The following GFM1 variants were observed in gnomAD, a reference collection of about 807,000 sequenced individuals.
GFM1 encodes elongation factor G, mitochondrial.
In GFM1, 62 loss-of-function variants were observed where a neutral mutation model predicts 96.2. The ratio of observed to expected loss-of-function variants is 0.64; its 90% CI spans 0.53 to 0.80. The LOEUF (loss-of-function observed/expected upper bound fraction) is 0.80, where lower values mean the gene tolerates loss of function less well. Ranked by LOEUF, GFM1 falls within the 30% of genes least tolerant of loss-of-function variation. The pLI, the probability that GFM1 is intolerant of heterozygous loss-of-function variation, is 0.00. For synonymous variants in GFM1, 282 were observed against 312.9 expected (o/e 0.90, Z 1.04); for missense variants, 852 against 916.6 (o/e 0.93, Z 0.91).
At chr3:158,689,505 C>G (rs1018969229) in intron 15 of GFM1, among the ~76,000 whole-genome samples, 1 of 152,110 alleles carries the variant, frequency 6.6e-6, no homozygotes, top group Non-Finnish European at 1.5e-5. Flanking sequence ...CCCTCCTGCC[C>G]TGTGACAAAA....
chr3:158,647,720 T>G (rs908039994), intron 4 of GFM1, among the ~76,000 whole-genome samples: 2 of 152,200 alleles, frequency 1.3e-5, no homozygotes, highest in Admixed American at 1.3e-4. Context: ...TTTGGTAAAT[T>G]GTTTTTAGTT....
chr3:158,660,247 C>A (rs1194274241), intron 9 of GFM1: 1 of 141,970 alleles, frequency 7.0e-6, no homozygotes, highest in African/African-American at 2.8e-5. Flanking sequence ...ATAGTACATG[C>A]CTTTTTTTTT....
At position 158,644,624 on chromosome 3, in the gene GFM1, C is replaced by T. The variant is rs112860155; in HGVS notation, c.-11C>T. ...GCGCCACGGGACTTTGACGCGTGCT[C>T]TGCGCTTGCCATGAGACTCCTGGGA... On this transcript the variant is annotated 5_prime_UTR_variant, in exon 1 of 18. Transcript: ENST00000486715. The T allele has an allele frequency of 2.9e-3, 4,590 of 1,564,610 alleles. 115 individuals carry two copies. In the African/African-American group the frequency reaches 0.053, roughly 18 times the overall value.
chr3:158,659,981 T>G (rs1414934383), intron 9 of GFM1, among the ~76,000 whole-genome samples: 1 of 152,198 alleles, frequency 6.6e-6, no homozygotes, highest in African/African-American at 2.4e-5. Flanking sequence ...CAGCCACAGC[T>G]GTTGTGAATG....
chr3:158,690,599 AAAAAT>A lies in GFM1; in HGVS notation c.2070+284_2070+288del, dbSNP rs1026156286. On this transcript the variant is annotated intron_variant, in intron 16 of 17. Coordinates refer to ENST00000486715, the MANE Select transcript of GFM1 (RefSeq NM_024996.7). ...AGATGGACAAATTAAAAAGAAAAGG[AAAAAT>A]AAAATAAGATGTATATTATCTCTCT... The A allele has an allele frequency of 3.3e-5, 14 of 418,352 alleles. 1 individual carries two copies. Among genetic ancestry groups the A allele is most frequent in the East Asian group, 2.0e-4 (4 of 19,718 alleles). 25.9% of individuals were successfully genotyped at this position (418,352 alleles called of 1,614,324 possible).
chr3:158,652,667 A>G (rs949392760), intron 6 of GFM1, among the ~76,000 whole-genome samples: 1 of 152,232 alleles, frequency 6.6e-6, no homozygotes, highest in African/African-American at 2.4e-5. Flanking sequence ...GGGCTGGGGC[A>G]GGACCTGGAG....
intron 4 of GFM1, among the ~76,000 whole-genome samples, chr3:158,648,549 GC>G (rs1478074177): frequency 6.6e-6 from 1 of 151,986 alleles, no homozygotes; most frequent in Admixed American, 6.6e-5. Context: ...GTGGTGGCGG[GC>G]ACCTGTAGTC....
Position 158,658,953 on chromosome 3 carries a change from G to T in GFM1, c.1115G>T (p.Arg372Leu). 1.2e-6 allele frequency: 2 copies of T among 1,614,022 alleles called. No homozygotes were observed. ...VGRFGQLTYV[R>L]SYQGELKKGD... ...CGATTTGGACAATTAACTTATGTTC[G>T]CAGTTATCAGGGAGAGCTAAAGAAG... Residue 372 changes from arginine to leucine, a missense_variant, in exon 9 of 18, where the codon CGC becomes CTC. Transcript: ENST00000486715.
rs1273972863 is a variant in GFM1, at chr3:158,646,158, T to C, written c.235-7T>C. ...GAGAAAGTCTGAATTGCTGTGCTTG[T>C]GTTTAGGTGAAAGGTAAAGATGGAG... On this transcript the variant is annotated splice_region_variant and splice_polypyrimidine_tract_variant and intron_variant, in intron 2 of 17. Transcript: ENST00000486715. 1.2e-6 allele frequency: 2 copies of C among 1,614,134 alleles called. No homozygotes were observed. The highest frequency in any genetic ancestry group is 1.7e-5 in the Admixed American group (1 of 60,026).
intron 11 of GFM1, among the ~76,000 whole-genome samples, chr3:158,664,110 T>C (rs1264807882): frequency 6.6e-6 from 1 of 152,216 alleles, no homozygotes; most frequent in Non-Finnish European, 1.5e-5. Context: ...CCTTGCAGCA[T>C]TGTGGTTGGG....
At chr3:158,663,050 T>G (rs1323015873) in intron 11 of GFM1, among the ~76,000 whole-genome samples, 1 of 152,186 alleles carries the variant, frequency 6.6e-6, no homozygotes, top group Non-Finnish European at 1.5e-5. Flanking sequence ...TTTAGAATGT[T>G]GAACTGATTA....
At position 158,644,716 on chromosome 3, in the gene GFM1, G is replaced by A. The variant is rs1262218849; in HGVS notation, c.81+1G>A. ...CTCCCTAGGCTGGCAGAGGAAGCAG[G>A]TACCGGAGCATAGAGAGGCTAAATC... On this transcript the variant is annotated splice_donor_variant, in intron 1 of 17. Transcript: ENST00000486715. LOFTEE classifies it high-confidence loss of function. 2.4e-5 allele frequency: 37 copies of A among 1,573,682 alleles called. No homozygotes were observed. The highest frequency in any genetic ancestry group is 3.1e-5 in the Non-Finnish European group (36 of 1,160,008).
chr3:158,688,659 A>G (rs1726064307), intron 15 of GFM1, among the ~76,000 whole-genome samples: 1 of 152,158 alleles, frequency 6.6e-6, no homozygotes, highest in Non-Finnish European at 1.5e-5. Flanking sequence ...GAAGTTATGC[A>G]AGGAATAGAA....
chr3:158,657,074 T>C (rs149628413), intron 8 of GFM1: 1 of 152,272 alleles, frequency 6.6e-6, no homozygotes, highest in African/African-American at 2.4e-5. Context: ...ACATAATATT[T>C]TAAGTGGGGA....
At chr3:158,684,915 T>G (rs1725710841) in intron 15 of GFM1, 2 of 406,814 alleles carry the variant, frequency 4.9e-6, no homozygotes, top group South Asian at 7.5e-5. Context: ...TTTGAATTCA[T>G]AGATAATTTA....
In GFM1 at chr3:158,660,906, T is replaced by TGCATTGTTTGGCATTGACTGTGC. The variant is rs753352064; in HGVS notation, c.1255_1277dup (p.Ser427HisfsTer35). 1.7e-5 allele frequency: 27 copies of TGCATTGTTTGGCATTGACTGTGC among 1,614,000 alleles called. No individual in the cohort carries two copies. Among genetic ancestry groups the TGCATTGTTTGGCATTGACTGTGC allele is most frequent in the Non-Finnish European group, 2.1e-5 (25 of 1,179,976 alleles). The stretch of plus-strand genomic sequence containing the variant: ...AGGAAGTATATGCCGGAGACATCTG[T>TGCATTGTTTGGCATTGACTGTGC]GCATTGTTTGGCATTGACTGTGCTA... On this transcript the variant is annotated frameshift_variant, in exon 10 of 18. Coordinates refer to ENST00000486715, the MANE Select transcript of GFM1 (RefSeq NM_024996.7). LOFTEE classifies it high-confidence loss of function.
At position 158,690,247 on chromosome 3, in the gene GFM1, T is replaced by C. The variant is rs1465063295; in HGVS notation, c.1994T>C (p.Ile665Thr). ...CCAAATGAATTTCAGGGACAAGTAA[T>C]TGCAGGAATTAACCGACGCCATGGG... is the stretch of plus-strand genomic sequence containing the variant. ...VAPNEFQGQV[I>T]AGINRRHGVI... Residue 665 changes from isoleucine (I) to threonine (T), a missense_variant, in exon 16 of 18, where the codon ATT becomes ACT. Transcript: ENST00000486715. The C allele has an allele frequency of 6.2e-7, 1 of 1,613,890 alleles. No homozygotes were observed. Among genetic ancestry groups the C allele is most frequent in the Non-Finnish European group, 8.5e-7 (1 of 1,179,780 alleles).
At chr3:158,674,244 C>A (rs1214197444) in intron 13 of GFM1, among the ~76,000 whole-genome samples, 1 of 151,874 alleles carries the variant, frequency 6.6e-6, no homozygotes, top group Non-Finnish European at 1.5e-5. Flanking sequence ...CCACACCTGG[C>A]TAATTTTTTT....
intron 13 of GFM1, chr3:158,667,033 T>G: frequency 6.3e-7 from 1 of 1,597,940 alleles, no homozygotes; most frequent in Non-Finnish European, 8.5e-7. Context: ...TATTATGAAG[T>G]AGAATGGTGT....
Sources: allele counts gnomAD v4.1 joint callset (sites outside exome capture counted in the v4.1 genomes callset), GRCh38; gene constraint gnomAD v4.1.1; transcripts MANE v1.5; gene names NCBI Gene and HGNC (gene_info 2026-07-23, HGNC 2026-07-21).